Variants in CCDC181 observed in about 807,000 individuals in gnomAD.
CCDC181 encodes coiled-coil domain-containing protein 181.
CCDC181 carries 35 observed loss-of-function variants against 58.7 expected under a neutral mutation model. The ratio of observed to expected loss-of-function variants is 0.60; its 90% CI spans 0.46 to 0.79. The LOEUF (loss-of-function observed/expected upper bound fraction) is 0.79, where lower values mean the gene tolerates loss of function less well. CCDC181 is among the 30% of genes least tolerant of loss of function. CCDC181 has a pLI of 0.00. For missense variants in CCDC181, 517 were observed against 583.9 expected (o/e 0.89, Z 1.18); for synonymous variants, 183 against 197.5 (o/e 0.93, Z 0.62).
At chr1:169,432,352 A>C (rs1656944184), upstream of CCDC181, among the ~76,000 whole-genome samples, 1 of 152,168 alleles carries the variant, frequency 6.6e-6, no homozygotes, top group Admixed American at 6.5e-5. Flanking sequence ...GACCTGTAGA[A>C]CACCACCAAA....
At chr1:169,452,083 C>T (rs1230786376) in intron 2 of CCDC181, among the ~76,000 whole-genome samples, 1 of 149,066 alleles carries the variant, frequency 6.7e-6, no homozygotes, top group Non-Finnish European at 1.5e-5. Context: ...AGGGGGAAGA[C>T]AGAGAGGAAA....
At chr1:169,408,599 T>C (rs945414734) in intron 4 of CCDC181, among the ~76,000 whole-genome samples, 1 of 152,192 alleles carries the variant, frequency 6.6e-6, no homozygotes, top group Non-Finnish European at 1.5e-5. Flanking sequence ...GCCTCCTGAC[T>C]GGGAGACACC....
At chr1:169,447,399 T>C (rs1181440877) in intron 2 of CCDC181, among the ~76,000 whole-genome samples, 1 of 152,170 alleles carries the variant, frequency 6.6e-6, no homozygotes, top group Non-Finnish European at 1.5e-5. Flanking sequence ...AATGTAGGAA[T>C]GAGCCACGGT....
rs568829765 is a variant in CCDC181 at position 169,423,091 on chromosome 1, T to C, written c.118-778A>G. 1.2e-3 allele frequency among the ~76,000 whole-genome samples: 183 copies of C among 149,300 alleles called. 1 individual carries two copies. The highest frequency in any genetic ancestry group is 4.2e-3 in the African/African-American group (172 of 41,106). On this transcript the variant is annotated intron_variant, in intron 2 of 5. Coordinates refer to ENST00000367806, the MANE Select transcript of CCDC181 (RefSeq NM_001300969.2). ...TATATATATATATTTTTTCTCTTTG[T>C]CAAAGTTCTCTCCCTCCTAAAGCAG...
chr1:169,457,593 T>C (rs578192316), intron 2 of CCDC181, among the ~76,000 whole-genome samples: 1 of 152,300 alleles, frequency 6.6e-6, no homozygotes, highest in Non-Finnish European at 1.5e-5. Flanking sequence ...CACTTAAAGA[T>C]GCGGTTTCTA....
At chr1:169,446,574 C>T (rs72704035) in intron 2 of CCDC181, among the ~76,000 whole-genome samples, 12,840 of 152,208 alleles carry the variant, frequency 0.084, 739 homozygotes, top group Admixed American at 0.19. Flanking sequence ...ATGGGTTCTG[C>T]ATCTGCAGAT....
rs547482343 is a variant in CCDC181 at position 169,398,261 on chromosome 1, A to G, written c.1216-870T>C. Among the ~76,000 whole-genome samples, 21 of 152,298 alleles carry G rather than the reference A, an allele frequency of 1.4e-4. No individual in the cohort carries two copies. In the South Asian group the frequency reaches 3.9e-3, roughly 29 times the overall value. On this transcript the variant is annotated intron_variant, in intron 4 of 5. Transcript: ENST00000367806. ...CAGTAGAGTGACTACAGTTAACAAT[A>G]CCGTATATTTCAAAATAATGAGGAG...
intron 2 of CCDC181, among the ~76,000 whole-genome samples, chr1:169,439,212 T>C (rs368677845): frequency 1.3e-5 from 2 of 149,512 alleles, no homozygotes; most frequent in Admixed American, 6.6e-5. Context: ...ACAAGACCAG[T>C]TGGGAGAAGG....
intron 5 of CCDC181, among the ~76,000 whole-genome samples, 184 bp downstream of exon 5, chr1:169,397,053 T>C (rs1655079735): frequency 6.6e-6 from 1 of 150,682 alleles, no homozygotes; most frequent in African/African-American, 2.4e-5. Flanking sequence ...ACTCCATATA[T>C]ATAATATATA....
intron 2 of CCDC181, among the ~76,000 whole-genome samples, chr1:169,434,423 A>G (rs747849731): frequency 6.6e-6 from 1 of 152,024 alleles, no homozygotes; most frequent in Non-Finnish European, 1.5e-5. Flanking sequence ...CAGCAATCCC[A>G]TTTCCGAGCA....
At chr1:169,450,944 G>A (rs1198905710) in intron 2 of CCDC181, among the ~76,000 whole-genome samples, 1 of 152,114 alleles carries the variant, frequency 6.6e-6, no homozygotes, top group East Asian at 1.9e-4. Context: ...AAAATGCTAG[G>A]AACCTAAGTA....
intron 2 of CCDC181, chr1:169,459,790 T>C (rs1013347683): frequency 6.6e-6 from 1 of 151,042 alleles, no homozygotes; most frequent in Non-Finnish European, 1.5e-5. Flanking sequence ...TAGAGATTAG[T>C]ACTGACCTAG....
intron 1 of CCDC181, among the ~76,000 whole-genome samples, chr1:169,425,235 T>C (rs1039687965): frequency 6.6e-6 from 1 of 152,110 alleles, no homozygotes; most frequent in Non-Finnish European, 1.5e-5. Context: ...TGGTACACTT[T>C]AGGTATGCTG....
intron 4 of CCDC181, among the ~76,000 whole-genome samples, chr1:169,398,303 C>A (rs1361517374): frequency 6.6e-6 from 1 of 152,056 alleles, no homozygotes; most frequent in Non-Finnish European, 1.5e-5. Context: ...TTTGAATGTT[C>A]TCATCATAAA....
chr1:169,399,412 G>T (rs1445733483), intron 4 of CCDC181, among the ~76,000 whole-genome samples: 2 of 152,020 alleles, frequency 1.3e-5, no homozygotes, highest in Non-Finnish European at 1.5e-5. Flanking sequence ...ATTATTCCAG[G>T]TTTATTAGTA....
intron 2 of CCDC181, among the ~76,000 whole-genome samples, chr1:169,448,805 C>T (rs1657452226): frequency 6.6e-6 from 1 of 152,110 alleles, no homozygotes; most frequent in Admixed American, 6.5e-5. Flanking sequence ...GTGTATGTTA[C>T]ATCTTTTGAA....
At chr1:169,426,487 A>T (rs903712234) in intron 1 of CCDC181, among the ~76,000 whole-genome samples, 2 of 152,198 alleles carry the variant, frequency 1.3e-5, no homozygotes, top group African/African-American at 4.8e-5. Flanking sequence ...ACGGAAATAA[A>T]TTCCTTCCTC....
At chr1:169,400,851 A>G (rs964957714) in intron 4 of CCDC181, among the ~76,000 whole-genome samples, 7 of 152,164 alleles carry the variant, frequency 4.6e-5, no homozygotes, top group African/African-American at 1.7e-4. Context: ...ACAGTGGGGC[A>G]TCGCCTCACC....
intron 4 of CCDC181, among the ~76,000 whole-genome samples, chr1:169,416,568 A>G (rs1414307792): frequency 6.6e-6 from 1 of 152,154 alleles, no homozygotes; most frequent in Non-Finnish European, 1.5e-5. Flanking sequence ...TCCCCATTAT[A>G]GTGTTTATTA....
Sources: gnomAD v4.1 joint callset for allele counts (sites outside exome capture counted in the v4.1 genomes callset) on GRCh38, gnomAD v4.1.1 for gene constraint, MANE v1.5 for transcripts, NCBI Gene and HGNC (gene_info 2026-07-23, HGNC 2026-07-21) for gene names.